Variants in PPP2R2C observed in about 807,000 individuals in gnomAD.
The protein encoded by PPP2R2C is protein phosphatase 2 regulatory subunit Bgamma, also known as protein phosphatase 2, regulatory subunit B, gamma.
PPP2R2C carries 10 observed loss-of-function variants against 45.3 expected under a neutral mutation model. That is an observed-to-expected ratio of 0.22 (90% CI 0.14 to 0.37). The LOEUF is 0.37. PPP2R2C is among the 10% of genes least tolerant of loss of function. The probability of loss-of-function intolerance (pLI) is 1.00; values close to 1 mark genes in which losing one functional copy is unlikely to be tolerated. For missense variants in PPP2R2C, 308 were observed against 619.7 expected, an observed-to-expected ratio of 0.50 and a Z score of 5.34; for synonymous variants, 257 against 245.4, an observed-to-expected ratio of 1.05 and a Z score of -0.44.
chr4:6,347,789 T>TA, intron 6 of PPP2R2C, 57 bp downstream of exon 6: 608 of 1,033,466 alleles, frequency 5.9e-4, no homozygotes, highest in Non-Finnish European at 7.0e-4. Flanking sequence ...GGACAGGACA[T>TA]CCCACCCGCC....
intron 1 of PPP2R2C, among the ~76,000 whole-genome samples, chr4:6,434,515 C>T (rs551397049): frequency 2.0e-5 from 3 of 152,016 alleles, no homozygotes; most frequent in East Asian, 1.9e-4. Flanking sequence ...TGCACCACCA[C>T]GCCTGGCTAA....
intron 2 of PPP2R2C, among the ~76,000 whole-genome samples, chr4:6,510,579 C>A (rs1202105299): frequency 6.6e-6 from 1 of 152,228 alleles, no homozygotes; most frequent in East Asian, 1.9e-4. Context: ...CAGGCACACA[C>A]ATGCACATAC....
At position 6,350,731 on chromosome 4, in the gene PPP2R2C, G is replaced by C. The variant is rs1712473229; in HGVS notation, c.626-2721C>G. 5 of 985,248 alleles carry C rather than the reference G, an allele frequency of 5.1e-6. No homozygotes were observed. The South Asian group carries it at 2.4e-4, about 46-fold the overall frequency. The allele number at this position is 985,248 out of a possible 1,614,324, so 61.0% of individuals were successfully genotyped here. A position where few individuals can be genotyped will look rare whatever the true frequency, so the allele number is the denominator to read the frequency against. On this transcript the variant is annotated intron_variant, in intron 5 of 8. Transcript: ENST00000382599. The stretch of plus-strand genomic sequence containing the variant: ...GAGTGGCCAGAGGCTGGTTGCTTCT[G>C]CCAATGAATAGACAAGTGAGGCATG...
chr4:6,441,350 T>C (rs1465706267), intron 1 of PPP2R2C, among the ~76,000 whole-genome samples: 1 of 151,968 alleles, frequency 6.6e-6, no homozygotes, highest in East Asian at 1.9e-4. Context: ...ACTCCATGGC[T>C]TAAAGCCCTT....
At chr4:6,351,317 A>T in intron 5 of PPP2R2C, 1 of 912,354 alleles carries the variant, frequency 1.1e-6, no homozygotes, top group Non-Finnish European at 1.3e-6. Context: ...CATCTCAAAA[A>T]TAAATAAATA....
At chr4:6,407,181 G>C (rs1388404501) in intron 1 of PPP2R2C, among the ~76,000 whole-genome samples, 1 of 152,172 alleles carries the variant, frequency 6.6e-6, no homozygotes, top group African/African-American at 2.4e-5. Flanking sequence ...ACAACCAAAC[G>C]TGTGATAATA....
chr4:6,391,961 A>C (rs577849254), intron 1 of PPP2R2C, among the ~76,000 whole-genome samples: 43 of 152,322 alleles, frequency 2.8e-4, no homozygotes, highest in African/African-American at 9.6e-4. Context: ...ACACCCTCCG[A>C]GGCGCCAGGT....
At chr4:6,536,565 C>CA (rs993156969) in intron 1 of PPP2R2C, among the ~76,000 whole-genome samples, 8 of 152,016 alleles carry the variant, frequency 5.3e-5, no homozygotes, top group South Asian at 2.1e-4. Flanking sequence ...TGGCAGTGAC[C>CA]AAAAAAAGGC....
intron 5 of PPP2R2C, chr4:6,350,661 G>A (rs949729362): frequency 3.8e-5 from 32 of 848,242 alleles, no homozygotes; most frequent in Non-Finnish European, 4.2e-5. Flanking sequence ...AACATTCCAG[G>A]TTCTCTCCCA....
At position 6,345,359 on chromosome 4, in the gene PPP2R2C, G is replaced by A. The variant is rs779539481; in HGVS notation, c.790+2487C>T. Among the ~76,000 whole-genome samples the A allele has an allele frequency of 3.9e-5, 6 of 152,136 alleles. No homozygotes were observed. Among genetic ancestry groups the A allele is most frequent in the South Asian group, 2.1e-4 (1 of 4,814 alleles). On this transcript the variant is annotated intron_variant, in intron 6 of 8. Transcript: ENST00000382599. This position sits in a 1 kb window ranked among gnomAD's most constrained non-coding sequence, Gnocchi z 5.3. The stretch of plus-strand genomic sequence containing the variant: ...AGGCGGTGGAACGGCCCCCAGAGAC[G>A]GCTGCGTCCTGATCCCTAGCACCTG...
At chr4:6,344,171 C>T (rs916422661) in intron 6 of PPP2R2C, among the ~76,000 whole-genome samples, 7 of 152,340 alleles carry the variant, frequency 4.6e-5, no homozygotes, top group Middle Eastern at 3.4e-3. Flanking sequence ...CTCCGCACCT[C>T]GGCCTGCCAG....
intron 5 of PPP2R2C, among the ~76,000 whole-genome samples, chr4:6,363,550 G>C (rs1714012762): frequency 6.6e-6 from 1 of 151,798 alleles, no homozygotes; most frequent in Non-Finnish European, 1.5e-5. Context: ...CTGCACTTCA[G>C]CCTGGGCGAC....
At chr4:6,383,184 AGGCT>A (rs777499397) in intron 1 of PPP2R2C, 4 of 1,184,738 alleles carry the variant, frequency 3.4e-6, no homozygotes, top group Non-Finnish European at 4.3e-6. Context: ...GGACCTGCGC[AGGCT>A]GGCCCACTGG....
intron 1 of PPP2R2C, chr4:6,382,795 G>A: frequency 1.1e-6 from 1 of 915,064 alleles, no homozygotes; most frequent in South Asian, 1.8e-5. Context: ...CTGGATGACT[G>A]CCACAGCTCT....
chr4:6,512,521 GTGGTGGTGATGGTGA>G lies in PPP2R2C; in HGVS notation c.49+22735_49+22749del, dbSNP rs1560595510. On this transcript the variant is annotated intron_variant, in intron 2 of 9. Coordinates refer to the PPP2R2C transcript ENST00000506140. ...GGTGGTGGTGGTGATGTTGGTGGTG[GTGGTGGTGATGGTGA>G]TGGTGGTGATGGTGGTGATGGTGGT... Among the ~76,000 whole-genome samples the G allele has an allele frequency of 3.5e-5, 4 of 114,810 alleles. No homozygotes were observed. The East Asian group carries it at 1.1e-3, about 32-fold the overall frequency. The allele number at this position is 114,810 out of a possible 152,430, so 75.3% of individuals were successfully genotyped here.
At chr4:6,501,992 G>GA (rs1450838863) in intron 2 of PPP2R2C, among the ~76,000 whole-genome samples, 2 of 152,206 alleles carry the variant, frequency 1.3e-5, no homozygotes, top group African/African-American at 4.8e-5. Flanking sequence ...ATTTGGTCTG[G>GA]AAAAAAGATG....
chr4:6,480,073 T>C (rs959977381), intron 2 of PPP2R2C, among the ~76,000 whole-genome samples: 2 of 152,108 alleles, frequency 1.3e-5, no homozygotes, highest in Middle Eastern at 3.2e-3. Context: ...TTCCTTTACA[T>C]CCCTTCCTAG....
intron 1 of PPP2R2C, among the ~76,000 whole-genome samples, chr4:6,539,982 T>C (rs1423411376): frequency 6.6e-6 from 1 of 152,172 alleles, no homozygotes; most frequent in African/African-American, 2.4e-5. Context: ...ACCCTGCAGT[T>C]AGCCCTGCCC....
At chr4:6,389,564 G>C (rs573377533) in intron 1 of PPP2R2C, among the ~76,000 whole-genome samples, 204 of 152,320 alleles carry the variant, frequency 1.3e-3, no homozygotes, top group Non-Finnish European at 2.5e-3. Context: ...GTATGGGCTT[G>C]GCGAGCGAAT....
Sources: gnomAD v4.1 joint callset for allele counts (sites outside exome capture counted in the v4.1 genomes callset) on GRCh38, gnomAD v4.1.1 for gene constraint, Gnocchi (gnomAD v3.1) non-coding constraint, MANE v1.5 for transcripts, NCBI Gene and HGNC (gene_info 2026-07-23, HGNC 2026-07-21) for gene names.